The following CLMN variants were observed in gnomAD, a reference collection of about 807,000 sequenced individuals.
The protein encoded by CLMN is calmin (calponin-like, transmembrane).
A neutral mutation model predicts 92.7 loss-of-function variants in CLMN; 57 were observed. The observed-to-expected ratio is 0.61, with a 90% CI of 0.50 to 0.77. The LOEUF (loss-of-function observed/expected upper bound fraction) is 0.77. Among genes scored for constraint, CLMN ranks in the 30% least tolerant of loss-of-function variants. The pLI is 0.00. For missense variants in CLMN, 1,158 were observed against 1,237.5 expected (o/e 0.94, Z 0.96); for synonymous variants, 466 against 470.6 (o/e 0.99, Z 0.13).
intron 1 of CLMN, among the ~76,000 whole-genome samples, chr14:95,238,729 G>A (rs537559124): frequency 9.9e-5 from 15 of 152,186 alleles, no homozygotes; most frequent in East Asian, 1.9e-4. Flanking sequence ...GGCACAAACC[G>A]GTGGTCTCCC....
chr14:95,292,221 C>T (rs183210785), intron 1 of CLMN, among the ~76,000 whole-genome samples: 79 of 152,272 alleles, frequency 5.2e-4, no homozygotes, highest in African/African-American at 1.8e-3. Flanking sequence ...AAAGAAAATG[C>T]ATCAAAAGGT....
Position 95,203,321 on chromosome 14 carries a change from G to T in CLMN, c.2028C>A (p.Asp676Glu), listed in dbSNP as rs370947528. Residue 676 changes from aspartate to glutamate, a missense_variant, in exon 9 of 13, where the codon GAC (aspartate) becomes GAA (glutamate). By Grantham distance (45) the Asp-to-Glu change is conservative. Transcript: ENST00000298912. Reference protein sequence around the residue: ...TRPHYEEEGEDDDLQGVGEEL... With the variant: ...TRPHYEEEGEEDDLQGVGEEL... ...CCTCGCCCACACCCTGGAGGTCATC[G>T]TCTTCTCCCTCTTCCTCATAATGAG... is the stretch of plus-strand genomic sequence containing the variant. The T allele has an allele frequency of 6.2e-7, 1 of 1,613,980 alleles. No homozygotes were observed. Among genetic ancestry groups the T allele is most frequent in the Non-Finnish European group, 8.5e-7 (1 of 1,180,026 alleles).
intron 1 of CLMN, among the ~76,000 whole-genome samples, chr14:95,258,407 G>A (rs1355847602): frequency 6.6e-6 from 1 of 151,022 alleles, no homozygotes; most frequent in Non-Finnish European, 1.5e-5. Flanking sequence ...TGTGATCTGT[G>A]TGGTGTGTGT....
At chr14:95,207,317 G>A (rs902835617) in intron 8 of CLMN, among the ~76,000 whole-genome samples, 3 of 151,960 alleles carry the variant, frequency 2.0e-5, no homozygotes, top group Non-Finnish European at 2.9e-5. Context: ...ATGGGGTCTC[G>A]CTTTGTTGCC....
rs1322595960 is a variant in CLMN, at chr14:95,223,778, G to A, written c.222C>T (p.Val74=). The change falls in exon 3 of 13, where the codon GTC becomes GTT. Residue 74 remains valine (V), a synonymous_variant. Transcript: ENST00000298912. ...TACGTACCAGATTCCGCCCAGACAG[G>A]ACTTCTAACAAAGCCATTAGGATTT... is the stretch of plus-strand genomic sequence containing the variant. ...DGKILMALLE[V]LSGRNLLHEY... The A allele has an allele frequency of 6.2e-7, 1 of 1,613,328 alleles. No homozygotes were observed. Among genetic ancestry groups the A allele is most frequent in the South Asian group, 1.1e-5 (1 of 91,000 alleles).
intron 6 of CLMN, among the ~76,000 whole-genome samples, chr14:95,212,018 T>C (rs996648428): frequency 6.6e-6 from 1 of 152,216 alleles, no homozygotes; most frequent in Non-Finnish European, 1.5e-5. Context: ...AATGAACTTT[T>C]TTTTGGTTGA....
rs1303288210 is a variant in CLMN, at chr14:95,203,587, C to G, written c.1762G>C (p.Glu588Gln). The G allele has an allele frequency of 6.2e-7, 1 of 1,614,148 alleles. No homozygotes were observed. The highest frequency in any genetic ancestry group is 2.2e-5 in the East Asian group (1 of 44,890). The change falls in exon 9 of 13, where the codon GAG becomes CAG. Residue 588 changes from glutamate to glutamine, a missense_variant. Physicochemically the swap from Glu to Gln is conservative, Grantham distance 29. Coordinates refer to ENST00000298912, the MANE Select transcript of CLMN (RefSeq NM_024734.4). ...QAFNKVPSPH[E>Q]TKPDEDAEAF... ...TCAGCATCCTCGTCAGGTTTTGTCT[C>G]ATGAGGTGAAGGAACTTTGTTGAAA...
rs199959266 is a variant in CLMN, at chr14:95,215,642, T to A, written c.416A>T (p.Gln139Leu). Residue 139 changes from glutamine to leucine, a missense_variant and splice_region_variant, in exon 5 of 13, where the codon CAG becomes CTG. Transcript: ENST00000298912. ...GTTTTGGAAAAGAAATGATCTTACC[T>A]GGAAGAAGAGGATTATGTTCCATAT... ...GLIWNIILFF[Q>L]IKELTGNLSR... 14 of 1,612,752 alleles carry A rather than the reference T, an allele frequency of 8.7e-6. No individual in the cohort carries two copies.
At chr14:95,278,475 C>G (rs1454338888) in intron 1 of CLMN, among the ~76,000 whole-genome samples, 2 of 152,008 alleles carry the variant, frequency 1.3e-5, no homozygotes, top group African/African-American at 4.8e-5. Context: ...TCTAACAGCC[C>G]GAGACTCCTG....
intron 1 of CLMN, among the ~76,000 whole-genome samples, chr14:95,245,610 G>A (rs112091181): frequency 2.8e-3 from 386 of 139,342 alleles, no homozygotes; most frequent in African/African-American, 0.01. Context: ...ATGAATGAAT[G>A]GATAGGTGGA....
At chr14:95,193,486 G>A in intron 12 of CLMN, 2 of 972,050 alleles carry the variant, frequency 2.1e-6, no homozygotes, top group East Asian at 2.6e-5. Context: ...AGCCTCACAA[G>A]ACCACCACCT....
At chr14:95,276,462 C>T (rs532735592) in intron 1 of CLMN, among the ~76,000 whole-genome samples, 1 of 152,156 alleles carries the variant, frequency 6.6e-6, no homozygotes, top group Non-Finnish European at 1.5e-5. Flanking sequence ...AAAGGGGGAA[C>T]TTGGGAGCTG....
At chr14:95,269,459 T>C (rs1899619624) in intron 1 of CLMN, among the ~76,000 whole-genome samples, 1 of 152,252 alleles carries the variant, frequency 6.6e-6, no homozygotes, top group Non-Finnish European at 1.5e-5. Flanking sequence ...GAGTGGTACA[T>C]CTACGGAAAG....
intron 1 of CLMN, among the ~76,000 whole-genome samples, chr14:95,306,329 C>T (rs10137236): frequency 1.3e-5 from 2 of 152,032 alleles, no homozygotes; most frequent in Non-Finnish European, 2.9e-5. Context: ...CTGGCCTACA[C>T]GGTGAAACCC....
intron 4 of CLMN, among the ~76,000 whole-genome samples, chr14:95,216,549 G>A (rs762044726): frequency 2.0e-4 from 31 of 152,218 alleles, no homozygotes; most frequent in African/African-American, 5.5e-4. Flanking sequence ...ACACCACCAC[G>A]CCTGGATTTA....
chr14:95,294,420 C>CA lies in CLMN; in HGVS notation c.82+25290dup, dbSNP rs1238166135. Reference sequence around the variant, plus strand: ...GGGGGCAGAACGTGTGCTTGTCTGGCATGCACGGGGCAGGCCTTGCACCCA... The same window carrying CA: ...GGGGGCAGAACGTGTGCTTGTCTGGCAATGCACGGGGCAGGCCTTGCACCCA... On this transcript the variant is annotated intron_variant, in intron 1 of 12. Coordinates refer to ENST00000298912, the MANE Select transcript of CLMN (RefSeq NM_024734.4). This position sits in a 1 kb window ranked among gnomAD's most constrained non-coding sequence, Gnocchi z 4.2. 6.6e-6 allele frequency among the ~76,000 whole-genome samples: 1 copy of CA among 152,198 alleles called. No homozygotes were observed. Among genetic ancestry groups the CA allele is most frequent in the African/African-American group, 2.4e-5 (1 of 41,442 alleles).
intron 1 of CLMN, among the ~76,000 whole-genome samples, chr14:95,300,676 T>C (rs1028095860): frequency 3.9e-5 from 6 of 152,218 alleles, no homozygotes; most frequent in African/African-American, 1.4e-4. Context: ...TCTTCTCATT[T>C]CCACTTAAAA....
Position 95,319,808 on chromosome 14 carries a change from G to A in CLMN, c.-16C>T, listed in dbSNP as rs755440819. 4.7e-6 allele frequency: 7 copies of A among 1,501,808 alleles called. No homozygotes were observed. The highest frequency in any genetic ancestry group is 6.2e-6 in the Non-Finnish European group (7 of 1,126,600). The allele number at this position is 1,501,808 out of a possible 1,614,324, so 93.0% of individuals were successfully genotyped here. ...GTGCAGCCATGAAGCGCGGGCGGGA[G>A]AGCCCGGGCCAGCGCGGCGCGGGCG... On this transcript the variant is annotated 5_prime_UTR_variant, in exon 1 of 13. Transcript: ENST00000298912.
At chr14:95,215,109 AAAAAT>A (rs778174259) in intron 5 of CLMN, among the ~76,000 whole-genome samples, 3 of 152,234 alleles carry the variant, frequency 2.0e-5, no homozygotes, top group African/African-American at 4.8e-5. Context: ...TATAACAATA[AAAAAT>A]AAAATAAAAA....
Sources: gnomAD v4.1 joint callset for allele counts (sites outside exome capture counted in the v4.1 genomes callset) on GRCh38, gnomAD v4.1.1 for gene constraint, Gnocchi (gnomAD v3.1) non-coding constraint, MANE v1.5 for transcripts, NCBI Gene and HGNC (gene_info 2026-07-23, HGNC 2026-07-21) for gene names.